TMEM132D: variants seen among roughly 807,000 people sequenced by gnomAD.
The protein encoded by TMEM132D is transmembrane protein 132D.
A neutral mutation model predicts 62.3 loss-of-function variants in TMEM132D; 21 were observed. The observed-to-expected ratio is 0.34, with a 90% CI of 0.24 to 0.49. The LOEUF is 0.49. TMEM132D is among the 20% of genes least tolerant of loss of function. The pLI, the probability that TMEM132D is intolerant of heterozygous loss-of-function variation, is 0.99. For missense variants in TMEM132D, 1,346 were observed against 1,402.8 expected (o/e 0.96, Z 0.65); for synonymous variants, 621 against 575.6 (o/e 1.08, Z -1.13).
chr12:129,686,509 C>T (rs1053971924), intron 2 of TMEM132D, among the ~76,000 whole-genome samples: 3 of 152,318 alleles, frequency 2.0e-5, no homozygotes, highest in East Asian at 3.9e-4. Context: ...GTCAATTAAA[C>T]CTCTTTCCTT....
chr12:129,777,043 G>C (rs1257606483), intron 1 of TMEM132D, among the ~76,000 whole-genome samples: 1 of 152,178 alleles, frequency 6.6e-6, no homozygotes, highest in African/African-American at 2.4e-5. Context: ...AGTCACTTTA[G>C]AAAACCCTAG....
At chr12:129,348,176 A>G (rs111797017) in intron 3 of TMEM132D, among the ~76,000 whole-genome samples, 2,320 of 152,154 alleles carry the variant, frequency 0.015, 33 homozygotes, top group African/African-American at 0.036. Context: ...AACCAGAAAT[A>G]CCATTTGACC....
chr12:129,879,504 G>C (rs1210436139), intron 1 of TMEM132D, among the ~76,000 whole-genome samples: 6 of 152,190 alleles, frequency 3.9e-5, no homozygotes, highest in Middle Eastern at 3.2e-3. Flanking sequence ...AGGAAAAACA[G>C]AGTCCTGCAA....
At chr12:129,535,954 A>C (rs912843335) in intron 2 of TMEM132D, among the ~76,000 whole-genome samples, 1 of 152,202 alleles carries the variant, frequency 6.6e-6, no homozygotes, top group Non-Finnish European at 1.5e-5. Context: ...TATAATGAAC[A>C]TAGTCCTGTT....
intron 1 of TMEM132D, among the ~76,000 whole-genome samples, chr12:129,706,248 A>T (rs551907702): frequency 6.6e-6 from 1 of 152,040 alleles, no homozygotes; most frequent in African/African-American, 2.4e-5. Flanking sequence ...CTCCAGGAGA[A>T]CTTAAATAAG....
At chr12:129,889,410 C>A (rs527611335) in intron 1 of TMEM132D, among the ~76,000 whole-genome samples, 1 of 152,272 alleles carries the variant, frequency 6.6e-6, no homozygotes, top group Admixed American at 6.5e-5. Flanking sequence ...CTCCTTTCCC[C>A]AGTTGTGCTG....
intron 1 of TMEM132D, among the ~76,000 whole-genome samples, chr12:129,891,630 T>C (rs1202156205): frequency 1.3e-5 from 2 of 152,194 alleles, no homozygotes; most frequent in Non-Finnish European, 2.9e-5. Context: ...ATTAAGTAAC[T>C]GTGAGGCTAT....
intron 3 of TMEM132D, among the ~76,000 whole-genome samples, chr12:129,412,578 C>T (rs535647523): frequency 1.6e-4 from 24 of 152,122 alleles, no homozygotes; most frequent in African/African-American, 5.5e-4. Flanking sequence ...CATGAGGGGC[C>T]GGGTGCGGTG....
intron 4 of TMEM132D, among the ~76,000 whole-genome samples, chr12:129,257,768 T>G (rs1158855152): frequency 2.6e-5 from 4 of 152,108 alleles, no homozygotes; most frequent in Admixed American, 1.3e-4. Context: ...TAGGAAGGTG[T>G]GAGCTTGACC....
intron 3 of TMEM132D, among the ~76,000 whole-genome samples, chr12:129,457,805 A>G (rs989204816): frequency 2.0e-5 from 3 of 152,162 alleles, no homozygotes; most frequent in African/African-American, 7.2e-5. Flanking sequence ...CTCACTCACT[A>G]TCATGAGAAC....
intron 4 of TMEM132D, among the ~76,000 whole-genome samples, chr12:129,275,085 G>A (rs1880968738): frequency 1.3e-5 from 2 of 152,064 alleles, no homozygotes; most frequent in South Asian, 4.1e-4. Context: ...TTTAAGACTA[G>A]CCTGGTCAAC....
At chr12:129,824,421 G>A (rs1040944699) in intron 1 of TMEM132D, among the ~76,000 whole-genome samples, 12 of 151,988 alleles carry the variant, frequency 7.9e-5, no homozygotes, top group Non-Finnish European at 1.2e-4. Context: ...TTGTGTTACC[G>A]ACTCAATGCT....
intron 3 of TMEM132D, among the ~76,000 whole-genome samples, chr12:129,441,546 T>C (rs898398699): frequency 1.2e-4 from 18 of 152,134 alleles, no homozygotes; most frequent in African/African-American, 3.9e-4. Context: ...TGAGACACTG[T>C]CCAAAACACA....
intron 2 of TMEM132D, among the ~76,000 whole-genome samples, chr12:129,676,904 C>T (rs1880645312): frequency 6.6e-6 from 1 of 152,172 alleles, no homozygotes; most frequent in Non-Finnish European, 1.5e-5. Context: ...CATCCATCCA[C>T]CCATCTACCT....
chr12:129,494,199 C>T (rs1451780537), intron 3 of TMEM132D, among the ~76,000 whole-genome samples: 1 of 152,208 alleles, frequency 6.6e-6, no homozygotes, highest in African/African-American at 2.4e-5. Flanking sequence ...AACAATCAAG[C>T]ATGTTAGAGA....
At chr12:129,866,264 T>TA (rs920547034) in intron 1 of TMEM132D, among the ~76,000 whole-genome samples, 17 of 152,054 alleles carry the variant, frequency 1.1e-4, no homozygotes, top group Non-Finnish European at 2.5e-4. Context: ...TATGCAGCCA[T>TA]AAAAAATGAT....
At chr12:129,313,115 C>T (rs1375510690) in intron 4 of TMEM132D, among the ~76,000 whole-genome samples, 1 of 152,150 alleles carries the variant, frequency 6.6e-6, no homozygotes, top group Non-Finnish European at 1.5e-5. Flanking sequence ...CCAAGAGGAA[C>T]TGTTGAACCT....
intron 1 of TMEM132D, among the ~76,000 whole-genome samples, chr12:129,746,241 G>A (rs554902603): frequency 1.3e-5 from 2 of 152,318 alleles, no homozygotes; most frequent in South Asian, 2.1e-4. Context: ...GGGTGTACAA[G>A]ACCTGACAGG....
chr12:129,771,128 C>A (rs1377746599), intron 1 of TMEM132D, among the ~76,000 whole-genome samples: 1 of 152,218 alleles, frequency 6.6e-6, no homozygotes, highest in Non-Finnish European at 1.5e-5. Flanking sequence ...CAGCTCATGT[C>A]TGCAGAATGT....
Sources: allele counts gnomAD v4.1 joint callset (sites outside exome capture counted in the v4.1 genomes callset), GRCh38; gene constraint gnomAD v4.1.1; transcripts MANE v1.5; gene names NCBI Gene and HGNC (gene_info 2026-07-23, HGNC 2026-07-21).